NRXN3: variants seen among roughly 807,000 people sequenced by gnomAD.
NRXN3 encodes the protein neurexin III.
A neutral mutation model predicts 137.6 loss-of-function variants in NRXN3; 32 were observed. That is an observed-to-expected ratio of 0.23 (90% CI 0.18 to 0.31). The LOEUF is 0.31. Among genes scored for constraint, NRXN3 ranks in the 10% least tolerant of loss-of-function variants. The pLI, the probability that NRXN3 is intolerant of heterozygous loss-of-function variation, is 1.00. For missense variants in NRXN3, 1,574 were observed against 2,062.5 expected, an observed-to-expected ratio of 0.76 and a Z score of 4.59; for synonymous variants, 798 against 784.5, an observed-to-expected ratio of 1.02 and a Z score of -0.29.
At position 79,647,561 on chromosome 14, in the gene NRXN3, TTTAAATCTAGTCTTTC is replaced by T. The variant is rs2098458181; in HGVS notation, c.3445-16213_3445-16198del. On this transcript the variant is annotated intron_variant, in intron 16 of 20. Coordinates refer to ENST00000335750, the MANE Select transcript of NRXN3 (RefSeq NM_001330195.2). ...ACTTAAGAGTTGAGAAGCAAGTTTA[TTTAAATCTAGTCTTTC>T]TTATGAGTCTGCCTAACAGTGATAG... Among the ~76,000 whole-genome samples, 2 of 136,204 alleles carry T rather than the reference TTTAAATCTAGTCTTTC, an allele frequency of 1.5e-5. 1 individual carries two copies. The highest frequency in any genetic ancestry group is 3.4e-5 in the Non-Finnish European group (2 of 58,558). The allele number at this position is 136,204 out of a possible 152,430, so 89.4% of individuals were successfully genotyped here.
At chr14:79,609,951 G>A (rs2098078613) in intron 16 of NRXN3, among the ~76,000 whole-genome samples, 1 of 151,984 alleles carries the variant, frequency 6.6e-6, no homozygotes, top group South Asian at 2.1e-4. Flanking sequence ...CCTGTCTGGG[G>A]GTAGGAGGTT....
In NRXN3 at chr14:79,405,055, G is replaced by A. The variant is rs116918323; in HGVS notation, c.3263-62166G>A. ...GGAGACTGTATCATATTCCAGTGAA[G>A]GGGAGTACGGCAGGAGGTTGCCATG... On this transcript the variant is annotated intron_variant, in intron 15 of 20. Coordinates refer to ENST00000335750, the MANE Select transcript of NRXN3 (RefSeq NM_001330195.2). 1.3e-3 allele frequency among the ~76,000 whole-genome samples: 193 copies of A among 152,224 alleles called. 5 individuals are homozygous for A. In the East Asian group the frequency reaches 0.032, roughly 26 times the overall value.
At chr14:78,725,319 G>A (rs142795919) in intron 8 of NRXN3, among the ~76,000 whole-genome samples, 14 of 152,368 alleles carry the variant, frequency 9.2e-5, no homozygotes, top group African/African-American at 2.4e-4. Flanking sequence ...CATCAGCAAT[G>A]TTGTAAAGAA....
chr14:79,419,097 G>A (rs1255524576), intron 15 of NRXN3, among the ~76,000 whole-genome samples: 6 of 152,134 alleles, frequency 3.9e-5, no homozygotes, highest in East Asian at 1.9e-4. Context: ...GAATAGACAG[G>A]GTTAATTTGT....
intron 4 of NRXN3, among the ~76,000 whole-genome samples, chr14:78,473,168 C>T (rs1481150289): frequency 6.6e-6 from 1 of 151,718 alleles, no homozygotes; most frequent in East Asian, 1.9e-4. Flanking sequence ...TTTGGGAGGC[C>T]GAGGTGGGTG....
chr14:79,061,204 C>A (rs550300923), intron 15 of NRXN3, among the ~76,000 whole-genome samples: 2 of 152,122 alleles, frequency 1.3e-5, no homozygotes, highest in African/African-American at 4.8e-5. Flanking sequence ...ATAAAGAGAT[C>A]CCATCTTTGT....
intron 15 of NRXN3, among the ~76,000 whole-genome samples, chr14:79,457,052 A>C (rs904510031): frequency 4.6e-5 from 7 of 152,012 alleles, no homozygotes; most frequent in Admixed American, 1.3e-4. Flanking sequence ...AGGTTTAAAA[A>C]AAAAAAAAAA....
intron 15 of NRXN3, among the ~76,000 whole-genome samples, chr14:79,376,065 C>A (rs112787819): frequency 1.4e-5 from 1 of 69,450 alleles, no homozygotes; most frequent in African/African-American, 3.6e-5. Context: ...TAATATATAT[C>A]TCTCACAAAT....
chr14:79,692,336 G>T, intron 18 of NRXN3, 74 bp downstream of exon 18: 1 of 1,122,804 alleles, frequency 8.9e-7, no homozygotes, highest in Non-Finnish European at 1.3e-6. Context: ...GCAAATAAAT[G>T]TTCCTTAAAT....
At chr14:79,282,079 A>G (rs1168427574) in intron 15 of NRXN3, among the ~76,000 whole-genome samples, 1 of 151,646 alleles carries the variant, frequency 6.6e-6, no homozygotes, top group Non-Finnish European at 1.5e-5. Context: ...TTTCTCTGTG[A>G]CTCCTGCTGG....
At chr14:79,330,399 C>CGGAAGGCT (rs1566819793) in intron 15 of NRXN3, among the ~76,000 whole-genome samples, 1 of 152,044 alleles carries the variant, frequency 6.6e-6, no homozygotes, top group African/African-American at 2.4e-5. Context: ...GTCTTGTGCC[C>CGGAAGGCT]GGAAGGCTGC....
intron 14 of NRXN3, among the ~76,000 whole-genome samples, chr14:78,979,699 A>T (rs2099484059): frequency 6.6e-6 from 1 of 152,200 alleles, no homozygotes; most frequent in Non-Finnish European, 1.5e-5. Context: ...AAAGAAAAAG[A>T]GACTTAATGT....
intron 4 of NRXN3, among the ~76,000 whole-genome samples, chr14:78,411,638 C>T (rs2092832883): frequency 6.6e-6 from 1 of 152,208 alleles, no homozygotes; most frequent in African/African-American, 2.4e-5. Context: ...ATGGCTGTCT[C>T]TGGAAGGGTA....
At chr14:79,045,755 A>G (rs2099632151) in intron 15 of NRXN3, among the ~76,000 whole-genome samples, 1 of 152,232 alleles carries the variant, frequency 6.6e-6, no homozygotes, top group East Asian at 1.9e-4. Flanking sequence ...CATGGATACT[A>G]TTTGCCTCCT....
intron 15 of NRXN3, among the ~76,000 whole-genome samples, chr14:79,229,644 C>A (rs184963559): frequency 1.3e-5 from 2 of 152,236 alleles, no homozygotes. Flanking sequence ...AAACGAACTC[C>A]TGGGAAGGGA....
At chr14:79,399,008 C>CAAAAAA (rs34172134) in intron 15 of NRXN3, among the ~76,000 whole-genome samples, 12 of 75,820 alleles carry the variant, frequency 1.6e-4, no homozygotes, top group African/African-American at 3.3e-4. Flanking sequence ...GACTCCATCT[C>CAAAAAA]AAAAAAAAAA....
intron 4 of NRXN3, among the ~76,000 whole-genome samples, chr14:78,339,792 T>G (rs2153580189): frequency 6.6e-6 from 1 of 152,256 alleles, no homozygotes; most frequent in East Asian, 1.9e-4. Flanking sequence ...TTAAAGAGGA[T>G]TCTAAGATTT....
chr14:78,318,987 G>A (rs1028226380), intron 4 of NRXN3, among the ~76,000 whole-genome samples: 11 of 152,196 alleles, frequency 7.2e-5, no homozygotes, highest in Non-Finnish European at 1.6e-4. Flanking sequence ...CTAAGATTCT[G>A]CATTTTTAAC....
intron 4 of NRXN3, among the ~76,000 whole-genome samples, chr14:78,298,401 CT>C (rs754006161): frequency 6.6e-6 from 1 of 152,180 alleles, no homozygotes; most frequent in Non-Finnish European, 1.5e-5. Flanking sequence ...CAAAAACCAC[CT>C]AAAGAACATG....
Sources: allele counts gnomAD v4.1 joint callset (sites outside exome capture counted in the v4.1 genomes callset), GRCh38; gene constraint gnomAD v4.1.1; transcripts MANE v1.5; gene names NCBI Gene and HGNC (gene_info 2026-07-23, HGNC 2026-07-21).